The following CREB5 variants were observed in gnomAD, a reference collection of about 807,000 sequenced individuals.
The protein encoded by CREB5 is cAMP responsive element binding protein 5.
A neutral mutation model predicts 57.1 loss-of-function variants in CREB5; 19 were observed. That is an observed-to-expected ratio of 0.33 (90% CI 0.23 to 0.49). The LOEUF (loss-of-function observed/expected upper bound fraction) is 0.49, where lower values mean the gene tolerates loss of function less well. Ranked by LOEUF, CREB5 falls within the 20% of genes least tolerant of loss-of-function variation. The pLI is 0.99. For synonymous variants in CREB5, 238 were observed against 238.3 expected, an observed-to-expected ratio of 1.00 and a Z score of 0.01; for missense variants, 579 against 671.6, an observed-to-expected ratio of 0.86 and a Z score of 1.52.
At chr7:28,449,462 G>T (rs1235820980) in intron 1 of CREB5, among the ~76,000 whole-genome samples, 3 of 152,134 alleles carry the variant, frequency 2.0e-5, no homozygotes. Flanking sequence ...TTTTGCGTAA[G>T]ATGGAGTTCT....
intron 5 of CREB5, among the ~76,000 whole-genome samples, chr7:28,670,689 A>T (rs1332386895): frequency 2.0e-5 from 3 of 152,230 alleles, no homozygotes; most frequent in Non-Finnish European, 4.4e-5. Context: ...CCATCTAAAA[A>T]GCCTGGAACT....
chr7:28,740,607 G>A (rs1031857391), intron 7 of CREB5, among the ~76,000 whole-genome samples: 18 of 152,164 alleles, frequency 1.2e-4, no homozygotes, highest in Non-Finnish European at 8.8e-5. Context: ...GGAAAGTTGA[G>A]ATCAGGTCTT....
intron 1 of CREB5, among the ~76,000 whole-genome samples, chr7:28,332,979 T>C (rs1430203830): frequency 6.6e-6 from 1 of 152,208 alleles, no homozygotes; most frequent in Non-Finnish European, 1.5e-5. Flanking sequence ...AACACTACAC[T>C]AGTTTTATTG....
At chr7:28,731,107 A>T (rs1803600534) in intron 7 of CREB5, among the ~76,000 whole-genome samples, 1 of 152,202 alleles carries the variant, frequency 6.6e-6, no homozygotes, top group South Asian at 2.1e-4. Context: ...TATTGTTATT[A>T]AAGAATTAAA....
chr7:28,426,762 A>AT (rs149375835), intron 1 of CREB5, among the ~76,000 whole-genome samples: 7,454 of 152,282 alleles, frequency 0.049, 611 homozygotes, highest in African/African-American at 0.17. Flanking sequence ...TATTGTGATT[A>AT]TTTTTGTGTT....
At chr7:28,793,984 T>A (rs1807880594) in intron 7 of CREB5, among the ~76,000 whole-genome samples, 3 of 152,160 alleles carry the variant, frequency 2.0e-5, no homozygotes, top group Non-Finnish European at 1.5e-5. Context: ...ATATGTGGAG[T>A]AAAGTTTGCT....
chr7:28,748,733 C>A (rs1266904672), intron 7 of CREB5, among the ~76,000 whole-genome samples: 2 of 152,190 alleles, frequency 1.3e-5, no homozygotes, highest in Admixed American at 1.3e-4. Flanking sequence ...TGAGGAAAAG[C>A]AGCCTGCACA....
intron 4 of CREB5, among the ~76,000 whole-genome samples, chr7:28,510,539 C>A (rs1185724186): frequency 6.6e-6 from 1 of 152,220 alleles, no homozygotes; most frequent in African/African-American, 2.4e-5. Context: ...TTTAAAACTT[C>A]TAGCTGCAGT....
intron 1 of CREB5, among the ~76,000 whole-genome samples, chr7:28,453,923 AC>A (rs142126505): frequency 0.052 from 7,824 of 151,786 alleles, 686 homozygotes; most frequent in African/African-American, 0.18. Context: ...TCTGGTCCAA[AC>A]AAATTCCTAA....
chr7:28,691,420 C>CAAA (rs60338671), intron 5 of CREB5, among the ~76,000 whole-genome samples: 10 of 92,540 alleles, frequency 1.1e-4, no homozygotes, highest in South Asian at 3.7e-4. Flanking sequence ...ACTCTGTCTC[C>CAAA]AAAAAAAAAA....
chr7:28,686,040 G>C (rs1254679440), intron 5 of CREB5: 1 of 1,275,296 alleles, frequency 7.8e-7, no homozygotes, highest in East Asian at 2.4e-5. Flanking sequence ...GCAAAAGAAG[G>C]GCCAGCACAT....
chr7:28,681,513 T>C (rs1800590408), intron 5 of CREB5, among the ~76,000 whole-genome samples: 2 of 152,234 alleles, frequency 1.3e-5, no homozygotes, highest in South Asian at 4.1e-4. Flanking sequence ...TATAGATGTA[T>C]GCCACCACGC....
intron 1 of CREB5, among the ~76,000 whole-genome samples, chr7:28,383,863 G>A (rs1041868604): frequency 1.3e-5 from 2 of 152,232 alleles, no homozygotes; most frequent in East Asian, 1.9e-4. Context: ...CTTAGTTGAC[G>A]TTCTATTTCT....
intron 5 of CREB5, among the ~76,000 whole-genome samples, chr7:28,677,445 T>A (rs1262686845): frequency 6.6e-6 from 1 of 152,206 alleles, no homozygotes; most frequent in Non-Finnish European, 1.5e-5. Context: ...GACTGATGTT[T>A]GCTGGTTGGA....
At chr7:28,472,689 C>G (rs754397804) in intron 1 of CREB5, among the ~76,000 whole-genome samples, 1 of 152,094 alleles carries the variant, frequency 6.6e-6, no homozygotes, top group Non-Finnish European at 1.5e-5. Flanking sequence ...TTTAACCCTC[C>G]CAGGATCCCC....
At chr7:28,753,766 A>T (rs902410133) in intron 7 of CREB5, among the ~76,000 whole-genome samples, 1 of 152,174 alleles carries the variant, frequency 6.6e-6, no homozygotes, top group South Asian at 2.1e-4. Flanking sequence ...TAAAATTTTT[A>T]AAATTAGATG....
chr7:28,629,868 A>G (rs2128692259), intron 5 of CREB5, among the ~76,000 whole-genome samples: 1 of 152,346 alleles, frequency 6.6e-6, no homozygotes, highest in African/African-American at 2.4e-5. Flanking sequence ...TTCTGTAAGT[A>G]GAACTGTTGG....
At chr7:28,413,765 T>C (rs968844648) in intron 1 of CREB5, among the ~76,000 whole-genome samples, 4 of 152,298 alleles carry the variant, frequency 2.6e-5, no homozygotes, top group Non-Finnish European at 4.4e-5. Flanking sequence ...AATAGGTGGC[T>C]AAATGAATGG....
At position 28,821,979 on chromosome 7, in the gene CREB5, G is replaced by A. The variant is rs544638133; in HGVS notation, c.*2700G>A. 11 of 152,754 alleles carry A rather than the reference G, an allele frequency of 7.2e-5. No individual in the cohort carries two copies. Among genetic ancestry groups the A allele is most frequent in the Admixed American group, 5.9e-4 (9 of 15,306 alleles). The allele number at this position is 152,754 out of a possible 1,614,324, so 9.5% of individuals were successfully genotyped here. On this transcript the variant is annotated 3_prime_UTR_variant, in exon 11 of 11. Transcript: ENST00000357727. ...TTAGTTTACTTCTGTTCCACCTTTT[G>A]ATTGAAATATTTAGTTGTTAGGCTG...
Sources: allele counts gnomAD v4.1 joint callset (sites outside exome capture counted in the v4.1 genomes callset), GRCh38; gene constraint gnomAD v4.1.1; transcripts MANE v1.5; gene names NCBI Gene and HGNC (gene_info 2026-07-23, HGNC 2026-07-21).